Variants in TAS2R1 observed in about 807,000 individuals in gnomAD.
TAS2R1 encodes the protein taste receptor type 2 member 1.
For synonymous variants in TAS2R1, 141 were observed against 134.2 expected (o/e 1.05, Z -0.35); for missense variants, 370 against 353.4 (o/e 1.05, Z -0.38).
At chr5:9,896,076 G>C in the TAS2R1 span, among the ~76,000 whole-genome samples, 1 of 152,150 alleles carries the variant, frequency 6.6e-6, no homozygotes, top group Non-Finnish European at 1.5e-5. Context: ...AAATATTTTA[G>C]AGTTACCCCA....
At chr5:9,668,820 A>C (rs194095) in intron 1 of TAS2R1, among the ~76,000 whole-genome samples, 2 of 152,114 alleles carry the variant, frequency 1.3e-5, no homozygotes, top group Non-Finnish European at 1.5e-5. Context: ...CTTAAGTACA[A>C]AGACCATCAG....
At chr5:9,678,783 G>A (rs1432720789) in intron 1 of TAS2R1, among the ~76,000 whole-genome samples, 1 of 152,064 alleles carries the variant, frequency 6.6e-6, no homozygotes, top group African/African-American at 2.4e-5. Flanking sequence ...GCCTGTTGGG[G>A]GGTTTGGGGG....
At chr5:9,801,977 C>T in the TAS2R1 span, among the ~76,000 whole-genome samples, 2 of 152,126 alleles carry the variant, frequency 1.3e-5, no homozygotes, top group Non-Finnish European at 2.9e-5. Flanking sequence ...AGGTCATAAT[C>T]TCTTGGGAGC....
the TAS2R1 span, among the ~76,000 whole-genome samples, chr5:9,719,225 C>T: frequency 1.3e-5 from 2 of 151,576 alleles, no homozygotes; most frequent in African/African-American, 4.9e-5. Flanking sequence ...GCAAATGATT[C>T]GAAAAAAATT....
the TAS2R1 span, among the ~76,000 whole-genome samples, chr5:9,837,160 A>T: frequency 1.3e-5 from 2 of 152,296 alleles, no homozygotes; most frequent in Admixed American, 1.3e-4. Context: ...TACAACATAC[A>T]TGCACATATG....
At chr5:9,706,859 C>G (rs897935036) in intron 1 of TAS2R1, among the ~76,000 whole-genome samples, 1 of 152,146 alleles carries the variant, frequency 6.6e-6, no homozygotes, top group Non-Finnish European at 1.5e-5. Context: ...AGCCTCCACT[C>G]CCCCGACAGG....
At chr5:9,664,333 C>T (rs559718689) in intron 1 of TAS2R1, among the ~76,000 whole-genome samples, 4 of 152,292 alleles carry the variant, frequency 2.6e-5, no homozygotes, top group Admixed American at 6.5e-5. Flanking sequence ...AATTTTTAAT[C>T]GTGTTTCCTT....
At chr5:9,828,544 G>A in the TAS2R1 span, among the ~76,000 whole-genome samples, 1 of 152,182 alleles carries the variant, frequency 6.6e-6, no homozygotes, top group Non-Finnish European at 1.5e-5. Flanking sequence ...GTTAATAAAT[G>A]TTAGCTATTT....
At chr5:9,657,869 T>C (rs888640330) in intron 2 of TAS2R1, among the ~76,000 whole-genome samples, 1 of 152,306 alleles carries the variant, frequency 6.6e-6, no homozygotes, top group Admixed American at 6.5e-5. Flanking sequence ...TGAAAAAAGA[T>C]TAAAATGGTA....
At chr5:9,871,870 T>A in the TAS2R1 span, among the ~76,000 whole-genome samples, 1 of 152,152 alleles carries the variant, frequency 6.6e-6, no homozygotes, top group African/African-American at 2.4e-5. Context: ...TCAACCCAAG[T>A]GTCATAATTT....
intron 1 of TAS2R1, among the ~76,000 whole-genome samples, chr5:9,665,993 G>A (rs1315794782): frequency 6.6e-6 from 1 of 152,144 alleles, no homozygotes; most frequent in Non-Finnish European, 1.5e-5. Context: ...TTTGGACAAG[G>A]AGTATGACTT....
chr5:9,717,282 C>T (rs1734833194), upstream of TAS2R1, among the ~76,000 whole-genome samples: 1 of 152,078 alleles, frequency 6.6e-6, no homozygotes, highest in African/African-American at 2.4e-5. Flanking sequence ...AAGAAAAGAT[C>T]TGATGTTCCT....
chr5:9,816,550 A>ATTTTTATT, the TAS2R1 span, among the ~76,000 whole-genome samples: 1 of 152,010 alleles, frequency 6.6e-6, no homozygotes, highest in African/African-American at 2.4e-5. Context: ...TTCTGCAGAC[A>ATTTTTATT]TTTCTCAGGA....
intron 2 of TAS2R1, among the ~76,000 whole-genome samples, chr5:9,635,642 G>A (rs146876866): frequency 5.2e-4 from 78 of 151,072 alleles, no homozygotes; most frequent in African/African-American, 1.8e-3. Context: ...TTATTTGTCT[G>A]TTCAGTTTCT....
At chr5:9,779,220 C>T in the TAS2R1 span, among the ~76,000 whole-genome samples, 129 of 152,330 alleles carry the variant, frequency 8.5e-4, no homozygotes, top group African/African-American at 3.0e-3. Context: ...CTTGCTCCAT[C>T]TCTTGTCATG....
chr5:9,803,832 GA>G, the TAS2R1 span, among the ~76,000 whole-genome samples: 14 of 151,694 alleles, frequency 9.2e-5, no homozygotes, highest in Admixed American at 2.6e-4. Flanking sequence ...ATAACACAAT[GA>G]AAAAAAGGTA....
chr5:9,734,713 T>C, the TAS2R1 span, among the ~76,000 whole-genome samples: 1 of 152,128 alleles, frequency 6.6e-6, no homozygotes, highest in Non-Finnish European at 1.5e-5. Flanking sequence ...ATCTCAGGTT[T>C]ATAGATGAGA....
intron 1 of TAS2R1, among the ~76,000 whole-genome samples, chr5:9,699,186 C>T (rs1741425387): frequency 6.6e-6 from 1 of 152,182 alleles, no homozygotes; most frequent in Admixed American, 6.5e-5. Context: ...CAGTTGCCTG[C>T]AAACTATGGA....
At chr5:9,797,473 A>G in the TAS2R1 span, among the ~76,000 whole-genome samples, 1 of 152,166 alleles carries the variant, frequency 6.6e-6, no homozygotes, top group African/African-American at 2.4e-5. Flanking sequence ...TGAGAAAAAA[A>G]GCTTGTTTTA....
Sources: gnomAD v4.1 joint callset for allele counts (sites outside exome capture counted in the v4.1 genomes callset) on GRCh38, gnomAD v4.1.1 for gene constraint, MANE v1.5 for transcripts, NCBI Gene and HGNC (gene_info 2026-07-23, HGNC 2026-07-21) for gene names.